The following TCERG1L variants were observed in gnomAD, a reference collection of about 807,000 sequenced individuals.
The protein encoded by TCERG1L is transcription elongation regulator 1 like.
In TCERG1L, 37 loss-of-function variants were observed where a neutral mutation model predicts 56.3. The ratio of observed to expected loss-of-function variants is 0.66; its 90% CI spans 0.51 to 0.87. TCERG1L has a LOEUF of 0.87. TCERG1L is among the 40% of genes least tolerant of loss of function. The pLI, the probability that TCERG1L is intolerant of heterozygous loss-of-function variation, is 0.00. For synonymous variants in TCERG1L, 324 were observed against 326.3 expected, an observed-to-expected ratio of 0.99 and a Z score of 0.08; for missense variants, 799 against 774.2, an observed-to-expected ratio of 1.03 and a Z score of -0.38.
chr10:131,309,503 A>G (rs182710844), intron 1 of TCERG1L, among the ~76,000 whole-genome samples: 72 of 152,350 alleles, frequency 4.7e-4, no homozygotes, highest in African/African-American at 1.7e-3. Flanking sequence ...GAATCATCAC[A>G]AAGCATTACC....
At chr10:131,195,225 C>G (rs960472915) in intron 4 of TCERG1L, among the ~76,000 whole-genome samples, 1 of 152,186 alleles carries the variant, frequency 6.6e-6, no homozygotes, top group Non-Finnish European at 1.5e-5. Flanking sequence ...AAGCTGAAAC[C>G]GTGTATGTGA....
intron 9 of TCERG1L, among the ~76,000 whole-genome samples, chr10:131,114,799 A>G (rs1836575444): frequency 6.6e-6 from 1 of 152,148 alleles, no homozygotes; most frequent in Non-Finnish European, 1.5e-5. Flanking sequence ...AAAAACTTGG[A>G]CGTTAGTAAG....
chr10:131,156,786 G>A (rs1180853374), intron 6 of TCERG1L, among the ~76,000 whole-genome samples: 3 of 151,830 alleles, frequency 2.0e-5, no homozygotes, highest in African/African-American at 7.3e-5. Context: ...AATCGATCAC[G>A]ACCCTCTCAC....
rs989151870 is a variant in TCERG1L at position 131,118,292 on chromosome 10, G to A, written c.1260-1358C>T. Among the ~76,000 whole-genome samples, 6 of 152,218 alleles carry A rather than the reference G, an allele frequency of 3.9e-5. No homozygotes were observed. The highest frequency in any genetic ancestry group is 1.3e-4 in the Admixed American group (2 of 15,284). ...GAATGGCATGTACATCTAAAGGCAT[G>A]GGCCTTACCCGCTCCTTTCAAAACC... On this transcript the variant is annotated intron_variant, in intron 8 of 11. Coordinates refer to ENST00000368642, the MANE Select transcript of TCERG1L (RefSeq NM_174937.4). This position sits in a 1 kb window ranked among gnomAD's most constrained non-coding sequence, Gnocchi z 4.2.
chr10:131,266,410 C>G (rs1020545109), intron 3 of TCERG1L, among the ~76,000 whole-genome samples: 1 of 152,162 alleles, frequency 6.6e-6, no homozygotes, highest in Non-Finnish European at 1.5e-5. Context: ...TTAGCAGGCA[C>G]GAAAACAATT....
intron 3 of TCERG1L, among the ~76,000 whole-genome samples, chr10:131,278,322 T>C (rs983182527): frequency 6.6e-6 from 1 of 150,746 alleles, no homozygotes; most frequent in African/African-American, 2.4e-5. Context: ...TTGAGCTACA[T>C]CGTCTTTTCT....
chr10:131,275,519 C>T (rs1461450656), intron 3 of TCERG1L, among the ~76,000 whole-genome samples: 1 of 152,044 alleles, frequency 6.6e-6, no homozygotes, highest in Non-Finnish European at 1.5e-5. Flanking sequence ...ATGACACTAC[C>T]CAGGAGAACA....
chr10:131,300,153 T>C (rs1400346940), intron 3 of TCERG1L, among the ~76,000 whole-genome samples: 1 of 152,186 alleles, frequency 6.6e-6, no homozygotes, highest in Non-Finnish European at 1.5e-5. Context: ...TGTTTCTGTT[T>C]GGTATAAAGT....
At chr10:131,147,447 C>T (rs948986744) in intron 6 of TCERG1L, among the ~76,000 whole-genome samples, 10 of 152,208 alleles carry the variant, frequency 6.6e-5, no homozygotes, top group Non-Finnish European at 1.2e-4. Flanking sequence ...ACTCTGACCC[C>T]GCGCTGTCCC....
intron 11 of TCERG1L, among the ~76,000 whole-genome samples, chr10:131,094,973 G>T (rs1040223046): frequency 6.6e-6 from 1 of 152,210 alleles, no homozygotes; most frequent in Non-Finnish European, 1.5e-5. Context: ...GGAGCCTCCC[G>T]CTTCCGTGGC....
intron 4 of TCERG1L, among the ~76,000 whole-genome samples, chr10:131,201,883 C>T (rs1845440607): frequency 1.3e-5 from 2 of 152,180 alleles, no homozygotes; most frequent in South Asian, 2.1e-4. Context: ...GCTGAAGGCG[C>T]ATCCATCGAC....
chr10:131,257,791 T>C lies in TCERG1L; in HGVS notation c.856+2468A>G, dbSNP rs545080199. On this transcript the variant is annotated intron_variant, in intron 4 of 11. Transcript: ENST00000368642. ...TGCCAAATACCCTCTGGTTGCAGAA[T>C]TGTCTCCAGTTGGGGACCATTAAGC... Among the ~76,000 whole-genome samples, 7 of 152,336 alleles carry C rather than the reference T, an allele frequency of 4.6e-5. No homozygotes were observed. In the East Asian group the frequency reaches 7.7e-4, roughly 17 times the overall value.
intron 8 of TCERG1L, among the ~76,000 whole-genome samples, chr10:131,119,318 G>A (rs1221553899): frequency 6.6e-6 from 1 of 152,206 alleles, no homozygotes; most frequent in Non-Finnish European, 1.5e-5. Context: ...GAAACAAAAA[G>A]ATTGCTCAGC....
At chr10:131,215,473 G>A (rs951848518) in intron 4 of TCERG1L, among the ~76,000 whole-genome samples, 2 of 151,736 alleles carry the variant, frequency 1.3e-5, no homozygotes, top group African/African-American at 2.4e-5. Context: ...CCTGAGTCTC[G>A]GCAGAGGCTT....
intron 5 of TCERG1L, among the ~76,000 whole-genome samples, chr10:131,164,533 T>A (rs576046516): frequency 6.6e-6 from 1 of 152,222 alleles, no homozygotes; most frequent in African/African-American, 2.4e-5. Context: ...TGAAGTAGCA[T>A]GAGAAACTTT....
intron 4 of TCERG1L, among the ~76,000 whole-genome samples, chr10:131,205,035 C>A (rs918108859): frequency 9.2e-5 from 14 of 152,188 alleles, no homozygotes; most frequent in Admixed American, 3.3e-4. Flanking sequence ...CTTTCTGGGG[C>A]TGCACTGAGA....
intron 1 of TCERG1L, among the ~76,000 whole-genome samples, chr10:131,310,644 G>T (rs573564011): frequency 4.6e-5 from 7 of 152,290 alleles, no homozygotes; most frequent in South Asian, 2.1e-4. Context: ...TTAATCCCAT[G>T]TCTTAAAAGC....
intron 4 of TCERG1L, among the ~76,000 whole-genome samples, chr10:131,184,543 A>G (rs1334580992): frequency 6.6e-6 from 1 of 152,214 alleles, no homozygotes; most frequent in East Asian, 1.9e-4. Flanking sequence ...AGCCCTCCAT[A>G]CCAGTCAGCG....
At chr10:131,257,489 A>C (rs759815714) in intron 4 of TCERG1L, among the ~76,000 whole-genome samples, 14 of 152,218 alleles carry the variant, frequency 9.2e-5, no homozygotes, top group South Asian at 4.1e-4. Flanking sequence ...TCCAACACAG[A>C]GCCCGCTCCT....
Sources: gnomAD v4.1 joint callset for allele counts (sites outside exome capture counted in the v4.1 genomes callset) on GRCh38, gnomAD v4.1.1 for gene constraint, Gnocchi (gnomAD v3.1) non-coding constraint, MANE v1.5 for transcripts, NCBI Gene and HGNC (gene_info 2026-07-23, HGNC 2026-07-21) for gene names.